Variants in CHLSN observed in about 807,000 individuals in gnomAD.
CHLSN encodes the protein protein cholesin.
chr7:1,080,557 A>T, the CHLSN span, among the ~76,000 whole-genome samples: 1 of 152,234 alleles, frequency 6.6e-6, no homozygotes, highest in Non-Finnish European at 1.5e-5. Context: ...AGGGACGGGC[A>T]GAGGAGTCTG....
the CHLSN span, among the ~76,000 whole-genome samples, chr7:1,106,402 G>A: frequency 6.6e-6 from 1 of 152,334 alleles, no homozygotes; most frequent in East Asian, 1.9e-4. Flanking sequence ...GCCGTGTGGG[G>A]GAGAGGACAG....
chr7:991,035 C>G, the CHLSN span, among the ~76,000 whole-genome samples: 1 of 152,032 alleles, frequency 6.6e-6, no homozygotes, highest in African/African-American at 2.4e-5. Context: ...GCCCCGCCCT[C>G]CCGGCCCTGC....
chr7:1,019,217 G>A, the CHLSN span, among the ~76,000 whole-genome samples: 3 of 137,162 alleles, frequency 2.2e-5, no homozygotes, highest in Non-Finnish European at 4.8e-5. Context: ...AAAAACGGGG[G>A]GGGGGGAGTG....
the CHLSN span, among the ~76,000 whole-genome samples, chr7:1,042,396 GC>G: frequency 6.6e-6 from 1 of 152,160 alleles, no homozygotes; most frequent in Non-Finnish European, 1.5e-5. Flanking sequence ...GCCCCCCTAC[GC>G]CCCAATCTGT....
At chr7:1,071,509 C>G in the CHLSN span, among the ~76,000 whole-genome samples, 1 of 152,022 alleles carries the variant, frequency 6.6e-6, no homozygotes, top group Non-Finnish European at 1.5e-5. Flanking sequence ...TTAAAAACCA[C>G]AAAAACTGAT....
At chr7:1,016,827 G>GCACACCAGCA in the CHLSN span, among the ~76,000 whole-genome samples, 29 of 59,152 alleles carry the variant, frequency 4.9e-4, 1 homozygote, top group African/African-American at 3.4e-3. Flanking sequence ...GCACAGCAGC[G>GCACACCAGCA]CACAGCAGCG....
At chr7:1,046,416 G>A in the CHLSN span, among the ~76,000 whole-genome samples, 1 of 152,288 alleles carries the variant, frequency 6.6e-6, no homozygotes, top group Middle Eastern at 3.4e-3. Context: ...CTGCCTGCCA[G>A]CTCCTCTGCT....
chr7:989,378 AG>A, the CHLSN span: 1 of 154,982 alleles, frequency 6.5e-6, no homozygotes, highest in East Asian at 1.9e-4. Context: ...TGGTGCAGGG[AG>A]GCAAGGCCCA....
the CHLSN span, among the ~76,000 whole-genome samples, chr7:1,097,699 G>A: frequency 3.3e-5 from 5 of 152,294 alleles, no homozygotes; most frequent in South Asian, 4.1e-4. The surrounding 1 kb of genome is among the most constrained non-coding windows in gnomAD (Gnocchi z 4.3). Context: ...ATTAGTGCTC[G>A]GGGAAAGGTC....
the CHLSN span, chr7:988,902 C>T: frequency 6.7e-6 from 6 of 896,538 alleles, no homozygotes; most frequent in Middle Eastern, 3.5e-4. Context: ...TCCCACCCCA[C>T]AGCTCGGACT....
the CHLSN span, chr7:1,091,796 C>A: frequency 6.3e-7 from 1 of 1,591,988 alleles, no homozygotes; most frequent in South Asian, 1.1e-5. Flanking sequence ...CAGCCTGCGG[C>A]CCCCAACACC....
the CHLSN span, chr7:1,021,680 G>A: frequency 1.1e-5 from 6 of 560,956 alleles, no homozygotes; most frequent in Non-Finnish European, 1.4e-5. Context: ...CGGCAGGTCG[G>A]CTGGAGGCAG....
chr7:985,048 A>G, the CHLSN span: 20 of 1,612,500 alleles, frequency 1.2e-5, no homozygotes, highest in Non-Finnish European at 1.7e-5. Flanking sequence ...GGTGGCTGAC[A>G]AGATTCTGCA....
chr7:1,044,677 C>G, the CHLSN span: 11 of 152,084 alleles, frequency 7.2e-5, no homozygotes, highest in African/African-American at 2.7e-4. Flanking sequence ...GGCCCGGGAG[C>G]CTGGGTCGGG....
chr7:1,095,330 G>A, the CHLSN span, among the ~76,000 whole-genome samples: 3 of 130,348 alleles, frequency 2.3e-5, no homozygotes, highest in African/African-American at 6.1e-5. Context: ...GGACAGTCAC[G>A]CAGCAGCCCC....
chr7:1,102,464 G>A, the CHLSN span, among the ~76,000 whole-genome samples: 95 of 152,364 alleles, frequency 6.2e-4, no homozygotes, highest in Admixed American at 9.8e-4. Context: ...CTCCGGCCAC[G>A]CTGGCGTTCA....
chr7:981,258 T>G, the CHLSN span, among the ~76,000 whole-genome samples: 1 of 145,694 alleles, frequency 6.9e-6, no homozygotes, highest in Non-Finnish European at 1.5e-5. Context: ...ATCATGCCAC[T>G]GCACTCTAGC....
chr7:1,014,304 CTA>C, the CHLSN span, among the ~76,000 whole-genome samples: 2 of 152,242 alleles, frequency 1.3e-5, no homozygotes, highest in African/African-American at 2.4e-5. Flanking sequence ...TGCATGAAAA[CTA>C]TGTTTTTCCT....
the CHLSN span, among the ~76,000 whole-genome samples, chr7:990,955 C>T: frequency 6.6e-6 from 1 of 152,038 alleles, no homozygotes; most frequent in Admixed American, 6.5e-5. Context: ...CAGGCCCAGC[C>T]CTCCCAACCC....
Sources: allele counts gnomAD v4.1 joint callset (sites outside exome capture counted in the v4.1 genomes callset), GRCh38; gene constraint gnomAD v4.1.1; non-coding constraint Gnocchi (gnomAD v3.1); transcripts MANE v1.5; gene names NCBI Gene and HGNC (gene_info 2026-07-23, HGNC 2026-07-21).